PXDNL: variants seen among roughly 807,000 people sequenced by gnomAD.
PXDNL encodes the protein probable oxidoreductase PXDNL.
In PXDNL, 145 loss-of-function variants were observed where a neutral mutation model predicts 150.8. That is an observed-to-expected ratio of 0.96 (90% confidence interval 0.84 to 1.10). The LOEUF (loss-of-function observed/expected upper bound fraction) is 1.10. Ranked by LOEUF, PXDNL falls within the 50% of genes least tolerant of loss-of-function variation. The probability of loss-of-function intolerance (pLI) is 0.00; values close to 1 mark genes in which losing one functional copy is unlikely to be tolerated. For missense variants in PXDNL, 2,087 were observed against 1,873.9 expected, an observed-to-expected ratio of 1.11 and a Z score of -2.10; for synonymous variants, 757 against 725.7, an observed-to-expected ratio of 1.04 and a Z score of -0.69.
chr8:51,465,719 T>A (rs1401989548), intron 8 of PXDNL, among the ~76,000 whole-genome samples: 2 of 152,162 alleles, frequency 1.3e-5, no homozygotes, highest in African/African-American at 4.8e-5. Context: ...ACAAAATCAA[T>A]GTGTAAAAAA....
intron 20 of PXDNL, among the ~76,000 whole-genome samples, chr8:51,345,104 G>C (rs1348476875): frequency 2.0e-5 from 3 of 152,178 alleles, no homozygotes; most frequent in Non-Finnish European, 4.4e-5. Flanking sequence ...TAGGATACAT[G>C]GTTCCTTGAA....
Position 51,487,034 on chromosome 8 carries a change from C to T in PXDNL, c.453-3320G>A, listed in dbSNP as rs1341384071. On this transcript the variant is annotated intron_variant, in intron 5 of 22. Transcript: ENST00000356297. ...GGCCTCCATCTCTTGACCTCGTGAT[C>T]GGCCCGCCCCGGCTTCCCAAAGTGC... 4.0e-5 allele frequency among the ~76,000 whole-genome samples: 6 copies of T among 151,638 alleles called. No individual in the cohort carries two copies. The East Asian group carries it at 5.9e-4, about 15-fold the overall frequency.
At chr8:51,619,977 G>T (rs1400493650) in intron 2 of PXDNL, among the ~76,000 whole-genome samples, 1 of 151,996 alleles carries the variant, frequency 6.6e-6, no homozygotes, top group Non-Finnish European at 1.5e-5. Flanking sequence ...ATCTCAAAAA[G>T]CTTTGATTAA....
intron 5 of PXDNL, among the ~76,000 whole-genome samples, chr8:51,488,162 G>C (rs1312618411): frequency 6.6e-6 from 1 of 152,070 alleles, no homozygotes; most frequent in Non-Finnish European, 1.5e-5. Flanking sequence ...TGCTTAATAA[G>C]AAAAAATATA....
intron 4 of PXDNL, among the ~76,000 whole-genome samples, chr8:51,551,321 A>T (rs531176595): frequency 1.1e-4 from 16 of 152,278 alleles, no homozygotes; most frequent in Middle Eastern, 3.4e-3. Flanking sequence ...AGAACTATGA[A>T]AAACAATCCT....
intron 1 of PXDNL, among the ~76,000 whole-genome samples, chr8:51,693,894 C>G (rs1452573757): frequency 6.6e-6 from 1 of 152,140 alleles, no homozygotes; most frequent in Non-Finnish European, 1.5e-5. Context: ...GGTATGTGAT[C>G]AAAGCATATG....
At chr8:51,791,738 T>C (rs1458680318) in intron 1 of PXDNL, among the ~76,000 whole-genome samples, 1 of 152,206 alleles carries the variant, frequency 6.6e-6, no homozygotes, top group Non-Finnish European at 1.5e-5. Flanking sequence ...AGGTTAGTAC[T>C]TGTCCTGCTT....
intron 4 of PXDNL, among the ~76,000 whole-genome samples, chr8:51,527,042 C>G (rs1811784092): frequency 6.6e-6 from 1 of 152,208 alleles, no homozygotes; most frequent in Admixed American, 6.5e-5. Context: ...TCTTTCCCTT[C>G]CCCACTGCAA....
chr8:51,729,418 T>C (rs1018984633), intron 1 of PXDNL, among the ~76,000 whole-genome samples: 1 of 151,770 alleles, frequency 6.6e-6, no homozygotes, highest in African/African-American at 2.4e-5. Flanking sequence ...ATCATAGTCA[T>C]TAGAAAGTTA....
intron 1 of PXDNL, among the ~76,000 whole-genome samples, chr8:51,743,804 C>T (rs1324618160): frequency 4.6e-5 from 7 of 151,956 alleles, no homozygotes; most frequent in Admixed American, 4.6e-4. Flanking sequence ...GTGTGAGCCA[C>T]AGTGCCCGGC....
rs138609458 is a variant in PXDNL, at chr8:51,694,426, A to G, written c.165-39666T>C. On this transcript the variant is annotated intron_variant, in intron 1 of 22. Coordinates refer to ENST00000356297, the MANE Select transcript of PXDNL (RefSeq NM_144651.5). ...GTGACACAACTGAGGGATCACTCAC[A>G]TTCAAGCCTCGCAGATATGTTAAAT... Among the ~76,000 whole-genome samples the G allele has an allele frequency of 6.1e-3, 925 of 152,332 alleles. 2 individuals carry two copies. Among genetic ancestry groups the G allele is most frequent in the Middle Eastern group, 0.014 (4 of 294 alleles).
At chr8:51,349,292 G>T (rs1179287436) in intron 19 of PXDNL, among the ~76,000 whole-genome samples, 5 of 152,082 alleles carry the variant, frequency 3.3e-5, no homozygotes, top group African/African-American at 1.2e-4. Flanking sequence ...GGTGAAACAA[G>T]GTTCTTCCCT....
intron 12 of PXDNL, among the ~76,000 whole-genome samples, chr8:51,430,736 TACC>T (rs1809228147): frequency 6.6e-6 from 1 of 152,238 alleles, no homozygotes; most frequent in Non-Finnish European, 1.5e-5. Context: ...TTGTCACCTT[TACC>T]ACTTTTCTTC....
chr8:51,366,946 C>T (rs575314525), intron 19 of PXDNL, among the ~76,000 whole-genome samples: 15 of 151,616 alleles, frequency 9.9e-5, no homozygotes, highest in Middle Eastern at 3.4e-3. Flanking sequence ...ACTAAAAATA[C>T]AAAAATTAGC....
chr8:51,623,196 C>G (rs941574243), intron 2 of PXDNL, among the ~76,000 whole-genome samples: 1 of 152,188 alleles, frequency 6.6e-6, no homozygotes, highest in African/African-American at 2.4e-5. Context: ...TCTGCCTCTG[C>G]TGGAGAAAGC....
chr8:51,607,402 A>G (rs768431151), intron 2 of PXDNL, among the ~76,000 whole-genome samples: 11 of 152,202 alleles, frequency 7.2e-5, no homozygotes, highest in Non-Finnish European at 1.2e-4. Flanking sequence ...CACGAAGCCC[A>G]GTTATTTTTG....
chr8:51,744,600 T>C (rs13270730), intron 1 of PXDNL, among the ~76,000 whole-genome samples: 137,383 of 143,000 alleles, frequency 0.96, 66,232 homozygotes, highest in East Asian at 1. Flanking sequence ...GGCATGAACC[T>C]GGGAGGTGGA....
intron 1 of PXDNL, among the ~76,000 whole-genome samples, chr8:51,690,005 A>G (rs1290079802): frequency 6.6e-6 from 1 of 152,224 alleles, no homozygotes; most frequent in Non-Finnish European, 1.5e-5. Context: ...GTGAAGTAGT[A>G]AAGAAATACT....
chr8:51,577,609 T>TATAA (rs562857918), intron 3 of PXDNL, among the ~76,000 whole-genome samples: 5 of 147,706 alleles, frequency 3.4e-5, no homozygotes, highest in African/African-American at 4.9e-5. Flanking sequence ...TATATATATA[T>TATAA]AATCAGGCTA....
Sources: gnomAD v4.1 joint callset for allele counts (sites outside exome capture counted in the v4.1 genomes callset) on GRCh38, gnomAD v4.1.1 for gene constraint, MANE v1.5 for transcripts, NCBI Gene and HGNC (gene_info 2026-07-23, HGNC 2026-07-21) for gene names.